SEPTIN6: variants seen among roughly 807,000 people sequenced by gnomAD.
SEPTIN6 encodes septin-6.
Under a neutral mutation model 33.6 loss-of-function variants are expected in SEPTIN6, and 8 were observed. The ratio of observed to expected loss-of-function variants is 0.24; its 90% CI spans 0.14 to 0.43. The LOEUF (loss-of-function observed/expected upper bound fraction) is 0.43, where lower values mean the gene tolerates loss of function less well. Ranked by LOEUF, SEPTIN6 falls within the 20% of genes least tolerant of loss-of-function variation. SEPTIN6 has a pLI of 1.00. For missense variants in SEPTIN6, 250 were observed against 340.8 expected (o/e 0.73, Z 2.10); for synonymous variants, 131 against 140.0 (o/e 0.94, Z 0.45).
At chrX:119,631,561 T>C (rs775285047) in intron 8 of SEPTIN6, among the ~76,000 whole-genome samples, 7 of 110,408 alleles carry the variant, frequency 6.3e-5, no homozygotes, top group Non-Finnish European at 1.3e-4. Flanking sequence ...TATTCATTTG[T>C]CTTTGAGATC....
At chrX:119,654,218 G>C (rs1385524969) in intron 3 of SEPTIN6, among the ~76,000 whole-genome samples, 3 of 111,522 alleles carry the variant, frequency 2.7e-5, no homozygotes, top group African/African-American at 9.8e-5. Context: ...TCTTGCCAAG[G>C]CTTCTTAAAC....
At chrX:119,681,014 T>C (rs1206506579) in intron 1 of SEPTIN6, among the ~76,000 whole-genome samples, 1 of 110,063 alleles carries the variant, frequency 9.1e-6, no homozygotes, top group Non-Finnish European at 1.9e-5. Flanking sequence ...GTATAGTTCC[T>C]ACTTTAGGAA....
rs1228108488 is a variant in SEPTIN6, at chrX:119,618,053, C to T, written c.*2040G>A. ...TAAGCGTGAATTTCTGGGAAAGCAG[C>T]TCTGAAGCTGGACATAGAATCATCA... On this transcript the variant is annotated 3_prime_UTR_variant, in exon 11 of 11. Transcript: ENST00000394610. 5 of 804,509 alleles carry T rather than the reference C, an allele frequency of 6.2e-6. No individual in the cohort carries two copies. The highest frequency in any genetic ancestry group is 7.7e-5 in the Admixed American group (1 of 12,917). The allele number at this position is 804,509 out of a possible 1,213,427, so 66.3% of individuals were successfully genotyped here. A position where few individuals can be genotyped will look rare whatever the true frequency, so the allele number is the denominator to read the frequency against.
chrX:119,665,139 T>C (rs2054615472), intron 2 of SEPTIN6, among the ~76,000 whole-genome samples: 1 of 105,894 alleles, frequency 9.4e-6, no homozygotes, highest in African/African-American at 3.5e-5. Context: ...CGTCTCGCTC[T>C]GTTGCCCAGG....
chrX:119,633,241 C>T (rs2053998532), intron 8 of SEPTIN6, 119 bp downstream of exon 8: 2 of 685,701 alleles, frequency 2.9e-6, no homozygotes, highest in South Asian at 3.0e-5. Context: ...CACTGTCTTC[C>T]ACAGTGGTTG....
At chrX:119,669,574 C>A (rs774595854) in intron 2 of SEPTIN6, among the ~76,000 whole-genome samples, 22 of 112,068 alleles carry the variant, frequency 2.0e-4, no homozygotes, top group Non-Finnish European at 3.9e-4. Context: ...GGCTCGTCCG[C>A]TTCCTGCATC....
chrX:119,637,208 A>T lies in SEPTIN6; in HGVS notation c.788-13T>A. 8.3e-7 allele frequency: 1 copy of T among 1,202,461 alleles called. No individual in the cohort carries two copies. Among genetic ancestry groups the T allele is most frequent in the Non-Finnish European group, 1.1e-6 (1 of 888,543 alleles). The stretch of plus-strand genomic sequence containing the variant: ...GCCTCGTTTTCAACTGCATAGCAGG[A>T]TTTGGGGTATTGAAAGTATGTTGAA... On this transcript the variant is annotated splice_polypyrimidine_tract_variant and intron_variant, in intron 6 of 10. Coordinates refer to ENST00000394610, the MANE Select transcript of SEPTIN6 (RefSeq NM_145799.4).
chrX:119,662,778 A>G (rs145741360), intron 3 of SEPTIN6, among the ~76,000 whole-genome samples: 1,662 of 112,567 alleles, frequency 0.015, 36 homozygotes, highest in African/African-American at 0.049. Context: ...GGCCTGTGCA[A>G]TCTTCATTAG....
chrX:119,617,292 T>C lies in SEPTIN6; in HGVS notation c.*2801A>G. ...TTGTACTAATTTAAAAGCCTTTTCA[T>C]TGAAGAAGGAAAAAATCTGTCTACA... On this transcript the variant is annotated 3_prime_UTR_variant, in exon 11 of 11. Transcript: ENST00000394610. 2.5e-6 allele frequency: 2 copies of C among 804,279 alleles called. No individual in the cohort carries two copies. The highest frequency in any genetic ancestry group is 3.0e-6 in the Non-Finnish European group (2 of 670,677). The allele number at this position is 804,279 out of a possible 1,213,427, so 66.3% of individuals were successfully genotyped here. A position where few individuals can be genotyped will look rare whatever the true frequency, so the allele number is the denominator to read the frequency against.
chrX:119,616,395 G>A (rs2053665875), downstream of SEPTIN6: 5 of 403,242 alleles, frequency 1.2e-5, no homozygotes, highest in South Asian at 2.8e-5. Flanking sequence ...CACAGCTGAG[G>A]TGTCCTGCCC....
At position 119,649,937 on chromosome X, in the gene SEPTIN6, G is replaced by A. The variant is rs1364540234; in HGVS notation, c.690C>T (p.Asn230=). ...TGGTCAGGAAATTGCTCCCACTCAC[G>A]TTCATGGTTCCATTGATCTCTGCCA... The part of the protein sequence containing the change: ...ESVAEINGTM[N]AHLPFAVIGS... Residue 230 remains asparagine, a splice_region_variant and synonymous_variant, in exon 5 of 11, where the codon AAC becomes AAT. Transcript: ENST00000394610. The A allele has an allele frequency of 1.1e-5, 13 of 1,207,541 alleles. No individual in the cohort carries two copies. The highest frequency in any genetic ancestry group is 3.0e-5 in the East Asian group (1 of 33,789).
intron 6 of SEPTIN6, among the ~76,000 whole-genome samples, chrX:119,637,763 T>C (rs750937687): frequency 1.8e-5 from 2 of 112,553 alleles, no homozygotes; most frequent in East Asian, 5.5e-4. Context: ...AGAAACGAAG[T>C]GATGGAATCT....
intron 10 of SEPTIN6, among the ~76,000 whole-genome samples, chrX:119,620,556 T>A (rs1265592585): frequency 1.8e-5 from 2 of 109,825 alleles, no homozygotes; most frequent in African/African-American, 6.6e-5. Context: ...CCTGACCTCA[T>A]GATCTGCCCG....
chrX:119,645,207 C>G (rs2054230829), intron 5 of SEPTIN6, among the ~76,000 whole-genome samples: 1 of 103,378 alleles, frequency 9.7e-6, no homozygotes, highest in African/African-American at 3.6e-5. Context: ...CGCGCCTGGC[C>G]AGGCCCAATC....
At chrX:119,684,803 G>T (rs1376910038) in intron 1 of SEPTIN6, among the ~76,000 whole-genome samples, 3 of 111,701 alleles carry the variant, frequency 2.7e-5, no homozygotes, top group African/African-American at 9.8e-5. Flanking sequence ...GTTCCCACAG[G>T]TTTTAAAAAC....
intron 1 of SEPTIN6, among the ~76,000 whole-genome samples, chrX:119,676,862 T>C (rs2054851165): frequency 8.9e-6 from 1 of 111,848 alleles, no homozygotes; most frequent in Non-Finnish European, 1.9e-5. Context: ...GGCTTTGAAA[T>C]CTGGCAGGTG....
intron 3 of SEPTIN6, among the ~76,000 whole-genome samples, chrX:119,654,951 A>T (rs967381398): frequency 3.6e-5 from 4 of 111,538 alleles, no homozygotes; most frequent in Non-Finnish European, 7.5e-5. Context: ...CCCTAGGCTT[A>T]TTTAATTAAT....
intron 2 of SEPTIN6, among the ~76,000 whole-genome samples, chrX:119,670,901 G>C (rs549352374): frequency 9.7e-6 from 1 of 103,204 alleles, no homozygotes. Context: ...TCGTGCCATC[G>C]CACTCCAGCC....
intron 9 of SEPTIN6, among the ~76,000 whole-genome samples, chrX:119,625,604 G>A (rs376326498): frequency 2.8e-5 from 3 of 107,120 alleles, no homozygotes; most frequent in Non-Finnish European, 5.8e-5. Context: ...GTGCAGTGGC[G>A]CAATCATGGC....
Sources: gnomAD v4.1 joint callset for allele counts (sites outside exome capture counted in the v4.1 genomes callset) on GRCh38, gnomAD v4.1.1 for gene constraint, MANE v1.5 for transcripts, NCBI Gene and HGNC (gene_info 2026-07-23, HGNC 2026-07-21) for gene names.